Variants in SULT1B1 observed in about 807,000 individuals in gnomAD.
SULT1B1 encodes the protein sulfotransferase 1B1.
In SULT1B1, 28 loss-of-function variants were observed where a neutral mutation model predicts 34.6. The ratio of observed to expected loss-of-function variants is 0.81; its 90% CI spans 0.60 to 1.11. The LOEUF is 1.11. SULT1B1 is among the 50% of genes least tolerant of loss of function. SULT1B1 has a pLI of 0.00. For synonymous variants in SULT1B1, 147 were observed against 110.2 expected (o/e 1.33, Z -2.09); for missense variants, 374 against 352.2 (o/e 1.06, Z -0.50).
At chr4:69,732,393 T>C (rs953862027) in intron 6 of SULT1B1, among the ~76,000 whole-genome samples, 1 of 152,150 alleles carries the variant, frequency 6.6e-6, no homozygotes, top group African/African-American at 2.4e-5. Flanking sequence ...CTGTGTTATA[T>C]AAAGTAGGAT....
intron 4 of SULT1B1, among the ~76,000 whole-genome samples, chr4:69,740,260 T>A (rs555030785): frequency 1.6e-4 from 24 of 152,224 alleles, no homozygotes; most frequent in Non-Finnish European, 3.2e-4. Context: ...GAATGGATTA[T>A]TTATAAAGGA....
intron 4 of SULT1B1, among the ~76,000 whole-genome samples, chr4:69,734,711 A>G (rs1418914677): frequency 3.3e-5 from 5 of 152,188 alleles, no homozygotes; most frequent in Admixed American, 2.0e-4. Flanking sequence ...TTAGGTGCTG[A>G]TAAAAATATA....
At chr4:69,737,034 A>T (rs1718347268) in intron 4 of SULT1B1, among the ~76,000 whole-genome samples, 1 of 151,818 alleles carries the variant, frequency 6.6e-6, no homozygotes, top group African/African-American at 2.4e-5. Context: ...GAAAAAAAAA[A>T]CTATGTCAAG....
chr4:69,734,756 A>T (rs1718231025), intron 4 of SULT1B1, among the ~76,000 whole-genome samples: 1 of 152,136 alleles, frequency 6.6e-6, no homozygotes, highest in Non-Finnish European at 1.5e-5. Context: ...ATTAAAAGGC[A>T]TTAAAATAAG....
At chr4:69,736,358 C>T (rs1718309504) in intron 4 of SULT1B1, among the ~76,000 whole-genome samples, 2 of 152,186 alleles carry the variant, frequency 1.3e-5, no homozygotes, top group African/African-American at 4.8e-5. Flanking sequence ...CACACTGAGA[C>T]ATACAAGACT....
intron 1 of SULT1B1, among the ~76,000 whole-genome samples, chr4:69,756,017 T>C (rs1310165024): frequency 6.6e-6 from 1 of 152,176 alleles, no homozygotes; most frequent in Non-Finnish European, 1.5e-5. Flanking sequence ...TCTCTATTGC[T>C]ATGTCTTTGT....
chr4:69,721,186 T>C lies in SULT1B1; in HGVS notation c.*5902A>G, dbSNP rs765711013. The C allele has an allele frequency of 6.6e-6, 1 of 152,126 alleles. No individual in the cohort carries two copies. The allele number at this position is 152,126 out of a possible 1,614,324, so 9.4% of individuals were successfully genotyped here. A position where few individuals can be genotyped will look rare whatever the true frequency, so the allele number is the denominator to read the frequency against. The stretch of plus-strand genomic sequence containing the variant: ...GCAAAATACAATAAATTATATTTTA[T>C]TGAATTCATTAAGTGGCAGTTAAAA... On this transcript the variant is annotated 3_prime_UTR_variant, in exon 8 of 8. Coordinates refer to ENST00000310613, the MANE Select transcript of SULT1B1 (RefSeq NM_014465.4).
chr4:69,744,080 C>T lies in SULT1B1; in HGVS notation c.375+5641G>A, dbSNP rs543538653. ...GCCTGCTCCCTGCTTCCGCTGGCTTCGTGGAGCAGGGCACTACCCTGGGCC... is the reference window on the plus strand; with the variant it reads ...GCCTGCTCCCTGCTTCCGCTGGCTTTGTGGAGCAGGGCACTACCCTGGGCC... On this transcript the variant is annotated intron_variant, in intron 4 of 7. Transcript: ENST00000310613. Among the ~76,000 whole-genome samples, 189 of 152,278 alleles carry T rather than the reference C, an allele frequency of 1.2e-3. 1 individual carries two copies. Among genetic ancestry groups the T allele is most frequent in the South Asian group, 7.5e-3 (36 of 4,826 alleles).
intron 1 of SULT1B1, 134 bp downstream of exon 1, chr4:69,760,325 A>C (rs562512117): frequency 1.9e-6 from 1 of 526,738 alleles, no homozygotes; most frequent in African/African-American, 2.1e-5. Context: ...AAAGTTTCCT[A>C]TAAGAAAATT....
At chr4:69,735,387 C>T (rs1718261645) in intron 4 of SULT1B1, among the ~76,000 whole-genome samples, 1 of 152,226 alleles carries the variant, frequency 6.6e-6, no homozygotes, top group African/African-American at 2.4e-5. Flanking sequence ...CCAACAGAGA[C>T]ATAGTGGAGA....
chr4:69,754,712 C>A lies in SULT1B1; in HGVS notation c.235G>T (p.Val79Phe). 1 of 1,613,296 alleles carries A rather than the reference C, an allele frequency of 6.2e-7. No homozygotes were observed. The highest frequency in any genetic ancestry group is 8.5e-7 in the Non-Finnish European group (1 of 1,179,532). The change falls in exon 3 of 8, where the codon GTT (valine) becomes TTT (phenylalanine). Residue 79 changes from valine (V) to phenylalanine (F), a missense_variant. By Grantham distance (50) the Val-to-Phe change is conservative. Transcript: ENST00000310613. ...GGGAGAGTCATTTCCAACATTGGAA[C>A]TTTTTCAGTAATAAAACCTCGCTTA... ...KCKRGFITEK[V>F]PMLEMTLPGL...
intron 6 of SULT1B1, among the ~76,000 whole-genome samples, 163 bp from the exon 7 acceptor site, chr4:69,730,844 A>T (rs1013264688): frequency 1.3e-5 from 2 of 152,210 alleles, no homozygotes; most frequent in Admixed American, 6.5e-5. Context: ...ATCATAAAAT[A>T]TTAAAAATCA....
In SULT1B1 at chr4:69,723,333, T is replaced by C. The variant is rs1646878132; in HGVS notation, c.*3755A>G. ...TCCCAAGAATAAACCAGGAAGAAGT[T>C]GAATCTCTGAATAGAAAAATAACAT... On this transcript the variant is annotated 3_prime_UTR_variant, in exon 8 of 8. Transcript: ENST00000310613. 1 of 152,114 alleles carries C rather than the reference T, an allele frequency of 6.6e-6. No homozygotes were observed. The highest frequency in any genetic ancestry group is 1.5e-5 in the Non-Finnish European group (1 of 68,032). The allele number at this position is 152,114 out of a possible 1,614,324, so 9.4% of individuals were successfully genotyped here. A position where few individuals can be genotyped will look rare whatever the true frequency, so the allele number is the denominator to read the frequency against.
At chr4:69,756,064 CT>C (rs1350903569) in intron 1 of SULT1B1, among the ~76,000 whole-genome samples, 3 of 152,152 alleles carry the variant, frequency 2.0e-5, no homozygotes, top group Non-Finnish European at 4.4e-5. Context: ...TTTAATCTGT[CT>C]TTACTCCTAT....
chr4:69,737,393 C>A (rs867605579), intron 4 of SULT1B1, among the ~76,000 whole-genome samples: 7 of 152,112 alleles, frequency 4.6e-5, no homozygotes, highest in Admixed American at 1.3e-4. Context: ...AAGATGAAAA[C>A]TTTAGAAAAG....
intron 4 of SULT1B1, 105 bp from the exon 5 acceptor site, chr4:69,734,369 T>C: frequency 3.0e-6 from 4 of 1,323,202 alleles, no homozygotes; most frequent in Non-Finnish European, 4.1e-6. Context: ...CTTTTTCAAA[T>C]AGAAATTGTG....
chr4:69,753,132 T>A (rs1171242273), intron 3 of SULT1B1, among the ~76,000 whole-genome samples: 2 of 152,228 alleles, frequency 1.3e-5, no homozygotes, highest in Non-Finnish European at 2.9e-5. Context: ...TAATTCATTA[T>A]AATTTTCTCC....
chr4:69,741,632 T>A (rs1200806197), intron 4 of SULT1B1, among the ~76,000 whole-genome samples: 1 of 152,202 alleles, frequency 6.6e-6, no homozygotes, highest in East Asian at 1.9e-4. Flanking sequence ...AGTATTTTAT[T>A]TTTTTGTGAC....
chr4:69,737,135 A>G (rs1336177285), intron 4 of SULT1B1, among the ~76,000 whole-genome samples: 1 of 152,172 alleles, frequency 6.6e-6, no homozygotes, highest in Non-Finnish European at 1.5e-5. Flanking sequence ...AATAAAAATC[A>G]CCAATTCAAA....
Sources: allele counts gnomAD v4.1 joint callset (sites outside exome capture counted in the v4.1 genomes callset), GRCh38; gene constraint gnomAD v4.1.1; transcripts MANE v1.5; gene names NCBI Gene and HGNC (gene_info 2026-07-23, HGNC 2026-07-21).